The following NDE1 variants were observed in gnomAD, a reference collection of about 807,000 sequenced individuals.
NDE1 encodes nudE neurodevelopment protein 1, also known as nuclear distribution protein nudE homolog 1.
Under a neutral mutation model 43.4 loss-of-function variants are expected in NDE1, and 28 were observed. That is an observed-to-expected ratio of 0.65 (90% CI 0.48 to 0.89). NDE1 has a LOEUF of 0.89. Among genes scored for constraint, NDE1 ranks in the 40% least tolerant of loss-of-function variants. NDE1 has a pLI of 0.00. For synonymous variants in NDE1, 184 were observed against 172.0 expected, an observed-to-expected ratio of 1.07 and a Z score of -0.55; for missense variants, 441 against 434.1, an observed-to-expected ratio of 1.02 and a Z score of -0.14.
At chr16:15,711,701 T>C (rs2039805054) in intron 8 of NDE1, among the ~76,000 whole-genome samples, 1 of 150,258 alleles carries the variant, frequency 6.7e-6, no homozygotes. Flanking sequence ...ACACTGGAGA[T>C]TTTTTTTTTG....
At position 15,720,329 on chromosome 16, in the gene NDE1, G is replaced by A; in HGVS notation, c.948-3862G>A. 1.9e-6 allele frequency: 3 copies of A among 1,611,548 alleles called. No homozygotes were observed. The highest frequency in any genetic ancestry group is 1.3e-5 in the African/African-American group (1 of 74,998). On this transcript the variant is annotated intron_variant, in intron 8 of 8. Coordinates refer to ENST00000396354, the MANE Select transcript of NDE1 (RefSeq NM_017668.3). ...CTCGTGAAGCTGGGCGAGGAATAGA[G>A]ATGTGTGCTGCCCCACTTGCCCCTG...
chr16:15,683,900 G>T (rs78790324), intron 4 of NDE1, among the ~76,000 whole-genome samples: 4 of 152,090 alleles, frequency 2.6e-5, no homozygotes, highest in Admixed American at 6.6e-5. Context: ...GGTAGCTTGT[G>T]CCTGTGGTCA....
At chr16:15,653,317 G>T (rs1008007809) in intron 1 of NDE1, among the ~76,000 whole-genome samples, 4 of 152,168 alleles carry the variant, frequency 2.6e-5, no homozygotes, top group African/African-American at 4.8e-5. Context: ...TTTGTAGGTT[G>T]ATCATTGTAA....
chr16:15,678,693 A>G (rs2038012624), intron 4 of NDE1, among the ~76,000 whole-genome samples: 1 of 152,172 alleles, frequency 6.6e-6, no homozygotes, highest in Non-Finnish European at 1.5e-5. Flanking sequence ...AATGACTAAC[A>G]TTTACAGAAG....
At position 15,678,095 on chromosome 16, in the gene NDE1, G is replaced by A; in HGVS notation, c.386+146G>A. On this transcript the variant is annotated intron_variant, in intron 4 of 8. Transcript: ENST00000396354. ...GTGCCCTTCTGGATTTTAGTGCCCG[G>A]GGGGAAATGGACAATAGTCGAAGAA... is the stretch of plus-strand genomic sequence containing the variant. 4 of 1,027,126 alleles carry A rather than the reference G, an allele frequency of 3.9e-6. 1 individual carries two copies. The South Asian group carries it at 4.0e-5, about 10-fold the overall frequency. 63.6% of individuals were successfully genotyped at this position (1,027,126 alleles called of 1,614,324 possible).
At position 15,724,969 on chromosome 16, in the gene NDE1, C is replaced by T; in HGVS notation, c.*718C>T. The T allele has an allele frequency of 6.2e-7, 1 of 1,614,082 alleles. No homozygotes were observed. Among genetic ancestry groups the T allele is most frequent in the Non-Finnish European group, 8.5e-7 (1 of 1,180,024 alleles). ...CCTTCCCCTCGGCCTCGTTAAGCAT[C>T]CCTGTGACGCTCTCAACTTCATTCT... On this transcript the variant is annotated 3_prime_UTR_variant, in exon 9 of 9. Transcript: ENST00000396354.
chr16:15,699,773 C>G lies in NDE1; in HGVS notation c.947+2913C>G, dbSNP rs1265870285. On this transcript the variant is annotated intron_variant, in intron 8 of 8. Transcript: ENST00000396354. ...TTTGGGAAGCCGCCTTCACACATGT[C>G]TTCATCGCCGCTGCCGTCAGCCCAG... The G allele has an allele frequency of 2.2e-6, 3 of 1,351,596 alleles. No homozygotes were observed. The African/African-American group carries it at 4.4e-5, about 20-fold the overall frequency. The allele number at this position is 1,351,596 out of a possible 1,614,324, so 83.7% of individuals were successfully genotyped here. A position where few individuals can be genotyped will look rare whatever the true frequency, so the allele number is the denominator to read the frequency against.
At chr16:15,719,352 A>T in intron 8 of NDE1, 4 of 1,593,062 alleles carry the variant, frequency 2.5e-6, no homozygotes, top group Non-Finnish European at 3.4e-6. Flanking sequence ...GGGAAAGGCC[A>T]AGCCCCACCA....
In NDE1 at chr16:15,720,940, G is replaced by T. The variant is rs756121642; in HGVS notation, c.948-3251G>T. On this transcript the variant is annotated intron_variant, in intron 8 of 8. Coordinates refer to ENST00000396354, the MANE Select transcript of NDE1 (RefSeq NM_017668.3). ...AGCGCCTGCATGTTGACTTCCAGCC[G>T]CAGTTTGGCGTCCTCCGTGGCTTGC... The T allele has an allele frequency of 1.2e-6, 2 of 1,613,932 alleles. No homozygotes were observed. Among genetic ancestry groups the T allele is most frequent in the East Asian group, 4.5e-5 (2 of 44,848 alleles).
intron 8 of NDE1, chr16:15,720,401 C>G: frequency 6.7e-7 from 1 of 1,501,456 alleles, no homozygotes; most frequent in South Asian, 1.2e-5. Flanking sequence ...CACCCCTTCC[C>G]CAGCACAGCC....
chr16:15,693,058 C>T (rs1025571992), intron 6 of NDE1, among the ~76,000 whole-genome samples: 1 of 149,848 alleles, frequency 6.7e-6, no homozygotes, highest in Non-Finnish European at 1.5e-5. Flanking sequence ...TGGAGTGCAG[C>T]GGCATTGATC....
intron 4 of NDE1, among the ~76,000 whole-genome samples, chr16:15,681,556 C>T (rs113175321): frequency 2.0e-3 from 299 of 152,102 alleles, no homozygotes; most frequent in African/African-American, 6.6e-3. Context: ...CCACCATACC[C>T]GGCCTTTGGC....
At chr16:15,650,106 A>C (rs551699879), upstream of NDE1, 31 of 152,768 alleles carry the variant, frequency 2.0e-4, 2 homozygotes, top group South Asian at 4.3e-3. Flanking sequence ...GGCCTGGGAA[A>C]AAAGTTTCCA....
At chr16:15,673,013 A>G (rs2037678238) in intron 3 of NDE1, among the ~76,000 whole-genome samples, 1 of 152,164 alleles carries the variant, frequency 6.6e-6, no homozygotes, top group African/African-American at 2.4e-5. Flanking sequence ...CTTCTTGCAC[A>G]ATGGCTCTCG....
chr16:15,716,846 C>A (rs1408752540), intron 8 of NDE1, among the ~76,000 whole-genome samples: 3 of 152,158 alleles, frequency 2.0e-5, no homozygotes, highest in African/African-American at 7.2e-5. Flanking sequence ...GCATGCTATC[C>A]CTGCAGAGGC....
intron 4 of NDE1, chr16:15,684,678 G>C (rs770636991): frequency 6.6e-6 from 1 of 152,054 alleles, no homozygotes; most frequent in Non-Finnish European, 1.5e-5. Flanking sequence ...CGATTCAGTC[G>C]GAGTTTGTGT....
intron 1 of NDE1, among the ~76,000 whole-genome samples, chr16:15,658,829 G>C (rs899809941): frequency 1.3e-5 from 2 of 152,000 alleles, no homozygotes; most frequent in African/African-American, 2.4e-5. Context: ...GCTAATTTTT[G>C]TGCTTTTAGT....
intron 8 of NDE1, among the ~76,000 whole-genome samples, chr16:15,722,047 G>A (rs2040514784): frequency 6.6e-6 from 1 of 152,014 alleles, no homozygotes; most frequent in Non-Finnish European, 1.5e-5. Flanking sequence ...AAGTAGAGAT[G>A]TGGTTTTGCC....
intron 8 of NDE1, chr16:15,721,508 C>T (rs1378016414): frequency 6.2e-7 from 1 of 1,614,092 alleles, no homozygotes; most frequent in Admixed American, 1.7e-5. Flanking sequence ...TCCTCTTTGG[C>T]TTCCAAGGCC....
Sources: allele counts gnomAD v4.1 joint callset (sites outside exome capture counted in the v4.1 genomes callset), GRCh38; gene constraint gnomAD v4.1.1; transcripts MANE v1.5; gene names NCBI Gene and HGNC (gene_info 2026-07-23, HGNC 2026-07-21).